AOPEP: variants seen among roughly 807,000 people sequenced by gnomAD.
AOPEP encodes the protein aminopeptidase O.
Under a neutral mutation model 98.1 loss-of-function variants are expected in AOPEP, and 77 were observed. The observed-to-expected ratio is 0.78, with a 90% CI of 0.65 to 0.95. The LOEUF is 0.95. Among genes scored for constraint, AOPEP ranks in the 40% least tolerant of loss-of-function variants. The pLI, the probability that AOPEP is intolerant of heterozygous loss-of-function variation, is 0.00. For missense variants in AOPEP, 1,024 were observed against 1,024.7 expected (o/e 1.00, Z 0.01); for synonymous variants, 346 against 365.3 (o/e 0.95, Z 0.60).
At chr9:95,095,417 G>A in the AOPEP span, among the ~76,000 whole-genome samples, 1 of 152,226 alleles carries the variant, frequency 6.6e-6, no homozygotes, top group Non-Finnish European at 1.5e-5. Context: ...TGTCGTGTGT[G>A]TCCCTGCCCG....
chr9:95,005,852 A>G (rs1226047663), intron 13 of AOPEP: 3 of 587,006 alleles, frequency 5.1e-6, no homozygotes, highest in African/African-American at 1.9e-5. Flanking sequence ...CTCATTAAAT[A>G]CAGCAATCGG....
chr9:94,959,989 A>T (rs1246011867), intron 9 of AOPEP, among the ~76,000 whole-genome samples: 1 of 152,232 alleles, frequency 6.6e-6, no homozygotes, highest in Non-Finnish European at 1.5e-5. Context: ...TGTAAGAAAG[A>T]TTATTTTCTA....
chr9:94,782,158 C>G (rs934406159), intron 3 of AOPEP, among the ~76,000 whole-genome samples: 2 of 151,592 alleles, frequency 1.3e-5, no homozygotes, highest in Non-Finnish European at 2.9e-5. Flanking sequence ...CCACTGCACT[C>G]CAGCCTGGGC....
rs548220587 is a variant in AOPEP, at chr9:94,746,693, G to T, written c.-135-12956G>T. On this transcript the variant is annotated intron_variant, in intron 1 of 16. Transcript: ENST00000375315. ...GATAATGTGAGCATAAACACATTAG[G>T]CACCAAAGAGGAATGGCATCTGGGT... Among the ~76,000 whole-genome samples, 57 of 152,216 alleles carry T rather than the reference G, an allele frequency of 3.7e-4. 1 individual carries two copies. In the South Asian group the frequency reaches 0.012, roughly 32 times the overall value.
intron 3 of AOPEP, among the ~76,000 whole-genome samples, chr9:94,787,023 G>A (rs1019584320): frequency 2.0e-5 from 3 of 152,186 alleles, no homozygotes; most frequent in Non-Finnish European, 4.4e-5. Flanking sequence ...CGCTGTATAG[G>A]AGGAAATCAT....
chr9:94,937,274 A>G (rs2056411909), intron 7 of AOPEP, among the ~76,000 whole-genome samples: 1 of 152,262 alleles, frequency 6.6e-6, no homozygotes, highest in African/African-American at 2.4e-5. Flanking sequence ...ATTATATGCC[A>G]GGAAACGAGG....
At chr9:94,916,811 A>G (rs572672402) in intron 5 of AOPEP, among the ~76,000 whole-genome samples, 138 of 152,286 alleles carry the variant, frequency 9.1e-4, no homozygotes, top group African/African-American at 3.1e-3. Context: ...ACCAAAATCT[A>G]TAGTCTCCAA....
intron 2 of AOPEP, among the ~76,000 whole-genome samples, chr9:94,761,515 T>C (rs910561418): frequency 4.1e-4 from 63 of 152,346 alleles, no homozygotes; most frequent in African/African-American, 1.5e-3. Flanking sequence ...CCTTCTTTTA[T>C]AGCGTTGTAT....
At chr9:95,145,149 T>C in the AOPEP span, 3 of 152,356 alleles carry the variant, frequency 2.0e-5, no homozygotes, top group South Asian at 4.1e-4. Flanking sequence ...TTAAGAGTTA[T>C]AGATTTAAAA....
intron 3 of AOPEP, among the ~76,000 whole-genome samples, chr9:94,791,076 C>T (rs1845604303): frequency 6.6e-6 from 1 of 152,008 alleles, no homozygotes; most frequent in Non-Finnish European, 1.5e-5. Flanking sequence ...ATAGCAAAGA[C>T]ATTGAATCAA....
At chr9:95,107,329 G>C in the AOPEP span, 1 of 1,545,040 alleles carries the variant, frequency 6.5e-7, no homozygotes, top group Non-Finnish European at 8.8e-7. Flanking sequence ...CATACTTCTA[G>C]GATTTATTTA....
At chr9:95,035,507 ATTTTTTTTTTTTTTTTTTTT>A (rs542840000) in intron 13 of AOPEP, among the ~76,000 whole-genome samples, 1 of 67,950 alleles carries the variant, frequency 1.5e-5, no homozygotes, top group African/African-American at 5.9e-5. Context: ...GCTTCAGATA[ATTTTTTTTTTTTTTTTTTTT>A]TTTTTTTTGA....
the AOPEP span, among the ~76,000 whole-genome samples, chr9:95,106,636 AT>A: frequency 3.9e-5 from 6 of 152,284 alleles, no homozygotes; most frequent in African/African-American, 1.4e-4. Context: ...TAATAAACCA[AT>A]TTTTTTAAAG....
At chr9:95,123,953 A>G in the AOPEP span, 7 of 369,806 alleles carry the variant, frequency 1.9e-5, no homozygotes, top group East Asian at 2.7e-4. Flanking sequence ...AAATACAAAA[A>G]GTAGCCATGA....
chr9:94,993,704 T>TA (rs1384198177), intron 11 of AOPEP, among the ~76,000 whole-genome samples: 2 of 152,212 alleles, frequency 1.3e-5, no homozygotes, highest in Non-Finnish European at 2.9e-5. Context: ...TGGTTTTCCG[T>TA]AAGAGTGTTA....
At chr9:94,836,719 C>G (rs1386242221) in intron 5 of AOPEP, among the ~76,000 whole-genome samples, 2 of 152,130 alleles carry the variant, frequency 1.3e-5, no homozygotes. Flanking sequence ...TACAATTTAT[C>G]AATCTTTTCT....
chr9:95,060,302 G>A (rs1313646734), intron 13 of AOPEP, among the ~76,000 whole-genome samples: 5 of 152,198 alleles, frequency 3.3e-5, no homozygotes, highest in Admixed American at 3.3e-4. Flanking sequence ...GAAATTTCCA[G>A]GTGTTTGCCT....
intron 1 of AOPEP, among the ~76,000 whole-genome samples, chr9:94,731,291 G>GA (rs1830470189): frequency 6.6e-6 from 1 of 151,450 alleles, no homozygotes; most frequent in African/African-American, 2.4e-5. Context: ...GCAGTGGCGC[G>GA]ATCTCGGCTC....
At chr9:95,100,093 A>G in the AOPEP span, 1 of 232,474 alleles carries the variant, frequency 4.3e-6, no homozygotes, top group African/African-American at 2.2e-5. Context: ...AAGTCAGAAC[A>G]GGAGAGAGGC....
Sources: gnomAD v4.1 joint callset for allele counts (sites outside exome capture counted in the v4.1 genomes callset) on GRCh38, gnomAD v4.1.1 for gene constraint, MANE v1.5 for transcripts, NCBI Gene and HGNC (gene_info 2026-07-23, HGNC 2026-07-21) for gene names.